ANO10: variants seen among roughly 807,000 people sequenced by gnomAD.
ANO10 encodes the protein anoctamin 10.
In ANO10, 77 loss-of-function variants were observed where a neutral mutation model predicts 74.7. The ratio of observed to expected loss-of-function variants is 1.03; its 90% CI spans 0.86 to 1.25. The LOEUF (loss-of-function observed/expected upper bound fraction) is 1.25. Ranked by LOEUF, ANO10 falls within the 50% of genes most tolerant of loss-of-function variation. The pLI, the probability that ANO10 is intolerant of heterozygous loss-of-function variation, is 0.00. For missense variants in ANO10, 721 were observed against 778.1 expected (o/e 0.93, Z 0.87); for synonymous variants, 279 against 284.9 (o/e 0.98, Z 0.21).
intron 12 of ANO10, among the ~76,000 whole-genome samples, chr3:43,415,927 A>G (rs2092731782): frequency 6.6e-6 from 1 of 152,064 alleles, no homozygotes; most frequent in African/African-American, 2.4e-5. Context: ...GTGGACAGCT[A>G]TCCTGGATAA....
intron 12 of ANO10, among the ~76,000 whole-genome samples, chr3:43,390,931 G>A (rs2092259440): frequency 6.6e-6 from 1 of 152,196 alleles, no homozygotes; most frequent in Non-Finnish European, 1.5e-5. Context: ...TAGGTCTGGG[G>A]AGGAGTATAA....
intron 1 of ANO10, chr3:43,690,964 T>G (rs1489849731): frequency 3.2e-6 from 5 of 1,558,434 alleles, no homozygotes; most frequent in East Asian, 2.6e-5. Flanking sequence ...GGCTTCGAGA[T>G]AAGTCCCGGC....
chr3:43,377,925 G>A (rs1421207288), intron 12 of ANO10, among the ~76,000 whole-genome samples: 1 of 152,240 alleles, frequency 6.6e-6, no homozygotes, highest in Non-Finnish European at 1.5e-5. Flanking sequence ...GGGTGGCACA[G>A]TGGTGGCCAT....
At chr3:43,470,399 G>A (rs575360812) in intron 11 of ANO10, among the ~76,000 whole-genome samples, 1 of 152,274 alleles carries the variant, frequency 6.6e-6, no homozygotes, top group African/African-American at 2.4e-5. Context: ...TGTCGCCCAG[G>A]CTGGAGTGCA....
At chr3:43,485,085 G>T in intron 11 of ANO10, 1 of 1,161,668 alleles carries the variant, frequency 8.6e-7, no homozygotes, top group Non-Finnish European at 1.3e-6. Flanking sequence ...TTGACAGCCG[G>T]CCGGCGGCAC....
At chr3:43,581,791 A>T (rs55979521) in intron 4 of ANO10, among the ~76,000 whole-genome samples, 93,936 of 151,180 alleles carry the variant, frequency 0.62, 29,652 homozygotes, top group East Asian at 0.89. Context: ...CGTGGTGGTG[A>T]GTAGCTAGCC....
At chr3:43,369,839 G>A (rs1575583266) in intron 12 of ANO10, among the ~76,000 whole-genome samples, 2 of 152,204 alleles carry the variant, frequency 1.3e-5, no homozygotes, top group South Asian at 2.1e-4. Flanking sequence ...GCAACAGCCC[G>A]CTTTCCTGAG....
In ANO10 at chr3:43,436,486, G is replaced by C. The variant is rs149028065; in HGVS notation, c.1798-3759C>G. 3.8e-3 allele frequency among the ~76,000 whole-genome samples: 579 copies of C among 152,202 alleles called. 5 individuals are homozygous for C. The highest frequency in any genetic ancestry group is 0.013 in the African/African-American group (545 of 41,518). On this transcript the variant is annotated intron_variant, in intron 11 of 12. Transcript: ENST00000292246. ...GTAAAGGAGAAGAACAGTGAAGGTG[G>C]GGGGAGGGTAGGGTGAGGAGACGGG...
chr3:43,509,394 T>TA (rs374088004), intron 11 of ANO10, among the ~76,000 whole-genome samples: 11 of 152,084 alleles, frequency 7.2e-5, no homozygotes, highest in African/African-American at 2.7e-4. Context: ...GGCAAAAACA[T>TA]AGACATTTCA....
intron 11 of ANO10, among the ~76,000 whole-genome samples, chr3:43,439,954 TG>T (rs2093135042): frequency 1.3e-5 from 2 of 152,170 alleles, no homozygotes; most frequent in African/African-American, 4.8e-5. Context: ...AAGATTTTTT[TG>T]CATGCTACTG....
intron 1 of ANO10, among the ~76,000 whole-genome samples, chr3:43,656,496 G>A (rs2083854247): frequency 6.6e-6 from 1 of 152,212 alleles, no homozygotes; most frequent in Non-Finnish European, 1.5e-5. Context: ...CGTCGGGGAG[G>A]CTCGGGCCGC....
chr3:43,500,017 TG>T (rs1397153269), intron 11 of ANO10, among the ~76,000 whole-genome samples: 3 of 152,030 alleles, frequency 2.0e-5, no homozygotes, highest in African/African-American at 7.2e-5. Flanking sequence ...TTTTTGTTTT[TG>T]GTATTTTTAG....
Position 43,399,133 on chromosome 3 carries a change from G to C in ANO10, c.1915-32159C>G, listed in dbSNP as rs568736718. On this transcript the variant is annotated intron_variant, in intron 12 of 12. Coordinates refer to ENST00000292246, the MANE Select transcript of ANO10 (RefSeq NM_018075.5). ...GTAAGCCACCATGCCTGGACAGATA[G>C]TTCTTAAAAGGATGAAACTGATTTA... Among the ~76,000 whole-genome samples the C allele has an allele frequency of 5.3e-5, 8 of 152,298 alleles. No homozygotes were observed. The South Asian group carries it at 8.3e-4, about 16-fold the overall frequency.
chr3:43,637,081 G>A (rs931722899), intron 1 of ANO10, among the ~76,000 whole-genome samples: 1 of 152,316 alleles, frequency 6.6e-6, no homozygotes, highest in Non-Finnish European at 1.5e-5. Flanking sequence ...GTGGTGGGAG[G>A]ATCAATTGAG....
intron 11 of ANO10, among the ~76,000 whole-genome samples, chr3:43,454,747 G>T (rs2075050188): frequency 1.3e-5 from 2 of 152,162 alleles, no homozygotes; most frequent in Admixed American, 1.3e-4. Context: ...ACCTTCAGAA[G>T]TGGTGTCTTG....
intron 11 of ANO10, among the ~76,000 whole-genome samples, chr3:43,512,384 T>A (rs757631481): frequency 2.0e-5 from 3 of 152,242 alleles, no homozygotes; most frequent in Non-Finnish European, 4.4e-5. Flanking sequence ...TGCACTATTC[T>A]GTGCATTATT....
intron 8 of ANO10, among the ~76,000 whole-genome samples, chr3:43,563,911 AG>A (rs2080179422): frequency 6.6e-6 from 1 of 152,168 alleles, no homozygotes; most frequent in South Asian, 2.1e-4. Context: ...ATACAATTAG[AG>A]AGAAGAAATA....
intron 12 of ANO10, among the ~76,000 whole-genome samples, chr3:43,410,943 G>A (rs549693916): frequency 6.6e-6 from 1 of 151,882 alleles, no homozygotes; most frequent in African/African-American, 2.4e-5. Flanking sequence ...ATAAACGACT[G>A]CAGTTCTGGT....
At chr3:43,435,288 C>T (rs2093049823) in intron 11 of ANO10, among the ~76,000 whole-genome samples, 1 of 151,850 alleles carries the variant, frequency 6.6e-6, no homozygotes, top group South Asian at 2.1e-4. Context: ...GTGGGTGGAT[C>T]ACTTGAGGTC....
Sources: allele counts gnomAD v4.1 joint callset (sites outside exome capture counted in the v4.1 genomes callset), GRCh38; gene constraint gnomAD v4.1.1; transcripts MANE v1.5; gene names NCBI Gene and HGNC (gene_info 2026-07-23, HGNC 2026-07-21).